Variants in MAML3 observed in about 807,000 individuals in gnomAD.
The protein encoded by MAML3 is mastermind-like protein 3.
MAML3 carries 27 observed loss-of-function variants against 101.9 expected under a neutral mutation model. The ratio of observed to expected loss-of-function variants is 0.27; its 90% confidence interval spans 0.20 to 0.37. MAML3 has a LOEUF of 0.37. Ranked by LOEUF, MAML3 falls within the 10% of genes least tolerant of loss-of-function variation. The pLI is 1.00. For synonymous variants in MAML3, 501 were observed against 555.9 expected, an observed-to-expected ratio of 0.90 and a Z score of 1.39; for missense variants, 1,316 against 1,444.9, an observed-to-expected ratio of 0.91 and a Z score of 1.45.
chr4:139,951,000 G>C (rs1733823381), intron 1 of MAML3, among the ~76,000 whole-genome samples: 1 of 152,164 alleles, frequency 6.6e-6, no homozygotes, highest in South Asian at 2.1e-4. Context: ...GTCTGCACGT[G>C]GGTTTGATTG....
chr4:139,810,347 C>T (rs1472377187), intron 2 of MAML3, among the ~76,000 whole-genome samples: 3 of 151,980 alleles, frequency 2.0e-5, no homozygotes, highest in Admixed American at 1.3e-4. Flanking sequence ...CACACCACCA[C>T]ACCCAGCTAA....
At chr4:139,859,383 T>C (rs1328458869) in intron 2 of MAML3, among the ~76,000 whole-genome samples, 4 of 152,022 alleles carry the variant, frequency 2.6e-5, no homozygotes, top group African/African-American at 9.7e-5. Context: ...TTTTTTTTTT[T>C]TTTTTCAGAG....
intron 2 of MAML3, among the ~76,000 whole-genome samples, chr4:139,760,873 A>G (rs1401302926): frequency 1.3e-5 from 2 of 152,220 alleles, no homozygotes; most frequent in East Asian, 1.9e-4. Context: ...TGGTCGTGAC[A>G]ACTCTCTTGA....
chr4:139,726,969 A>C (rs774706356), intron 3 of MAML3, among the ~76,000 whole-genome samples: 3 of 152,212 alleles, frequency 2.0e-5, no homozygotes, highest in Non-Finnish European at 4.4e-5. Context: ...TGCTCCCTGC[A>C]GCTGCTGAAT....
rs376823980 is a variant in MAML3 at position 139,991,572 on chromosome 4, T to A, written c.469-100605A>T. Among the ~76,000 whole-genome samples, 5 of 152,352 alleles carry A rather than the reference T, an allele frequency of 3.3e-5. No individual in the cohort carries two copies. The South Asian group carries it at 1.0e-3, about 32-fold the overall frequency. ...GGTAATACTAATATCATTTAATACA[T>A]ATTTCCAACATAAATCTTGTTCTTG... On this transcript the variant is annotated intron_variant, in intron 1 of 4. Coordinates refer to ENST00000509479, the MANE Select transcript of MAML3 (RefSeq NM_018717.5).
rs549627120 is a variant in MAML3, at chr4:139,812,111, T to C, written c.2079+77246A>G. 5.2e-4 allele frequency among the ~76,000 whole-genome samples: 79 copies of C among 152,132 alleles called. 1 individual carries two copies. In the South Asian group the frequency reaches 0.016, roughly 31 times the overall value. ...CTCTACAAAAAATTACAAAACTAGC[T>C]GGGTGTGGTGGCATGCACCTGTAGT... On this transcript the variant is annotated intron_variant, in intron 2 of 4. Transcript: ENST00000509479.
intron 1 of MAML3, among the ~76,000 whole-genome samples, chr4:140,035,194 G>C (rs567340883): frequency 6.6e-6 from 1 of 152,014 alleles, no homozygotes; most frequent in African/African-American, 2.4e-5. Context: ...GGCTGGTTTC[G>C]AACTCCTGAC....
At chr4:140,129,710 C>T (rs1004929225) in intron 1 of MAML3, among the ~76,000 whole-genome samples, 18 of 152,188 alleles carry the variant, frequency 1.2e-4, no homozygotes, top group African/African-American at 4.3e-4. Flanking sequence ...CTCATGCCTG[C>T]AGTCCCAGCA....
At chr4:140,109,390 A>G (rs1728404022) in intron 1 of MAML3, among the ~76,000 whole-genome samples, 1 of 152,180 alleles carries the variant, frequency 6.6e-6, no homozygotes, top group African/African-American at 2.4e-5. Flanking sequence ...TGGAAAAAGG[A>G]GGACTGAAAC....
At chr4:139,759,482 A>G (rs1729712669) in intron 2 of MAML3, among the ~76,000 whole-genome samples, 1 of 151,804 alleles carries the variant, frequency 6.6e-6, no homozygotes, top group Admixed American at 6.6e-5. Context: ...CTCCCTTACA[A>G]TTTTTCTAGC....
At chr4:139,984,257 G>T (rs1263758668) in intron 1 of MAML3, among the ~76,000 whole-genome samples, 3 of 152,098 alleles carry the variant, frequency 2.0e-5, no homozygotes, top group African/African-American at 7.2e-5. Context: ...TATTGCAAAT[G>T]CGGAGATCAA....
chr4:140,086,642 C>T (rs927514282), intron 1 of MAML3, among the ~76,000 whole-genome samples: 1 of 152,136 alleles, frequency 6.6e-6, no homozygotes, highest in African/African-American at 2.4e-5. Flanking sequence ...ATTCATCCTC[C>T]TACTCTCTCT....
At chr4:140,051,850 A>C (rs1486410086) in intron 1 of MAML3, among the ~76,000 whole-genome samples, 1 of 152,108 alleles carries the variant, frequency 6.6e-6, no homozygotes, top group Non-Finnish European at 1.5e-5. Flanking sequence ...AAGCTAGTGG[A>C]GGCGCCGGGA....
chr4:140,083,963 CACACAGAG>C lies in MAML3; in HGVS notation c.468+68889_468+68896del, dbSNP rs1478400515. Among the ~76,000 whole-genome samples, 563 of 67,386 alleles carry C rather than the reference CACACAGAG, an allele frequency of 8.4e-3. 3 individuals are homozygous for C. Among genetic ancestry groups the C allele is most frequent in the African/African-American group, 0.024 (366 of 15,014 alleles). 44.2% of individuals were successfully genotyped at this position (67,386 alleles called of 152,430 possible). A position where few individuals can be genotyped will look rare whatever the true frequency, so the allele number is the denominator to read the frequency against. ...ACACACACACACACACACACACACACACACAGAGAGAGAGAGAGAGAGAGAGAGAGAGA... is the reference window on the plus strand; with the variant it reads ...ACACACACACACACACACACACACACAGAGAGAGAGAGAGAGAGAGAGAGA... On this transcript the variant is annotated intron_variant, in intron 1 of 4. Coordinates refer to ENST00000509479, the MANE Select transcript of MAML3 (RefSeq NM_018717.5).
At chr4:140,143,146 ATAAAACTAATTTGAAATG>A (rs539705829) in intron 1 of MAML3, among the ~76,000 whole-genome samples, 55 of 152,358 alleles carry the variant, frequency 3.6e-4, no homozygotes, top group African/African-American at 1.3e-3. Flanking sequence ...ATACCATTTC[ATAAAACTAATTTGAAATG>A]TAAAACTATG....
chr4:139,848,275 G>A (rs186265285), intron 2 of MAML3, among the ~76,000 whole-genome samples: 1 of 152,256 alleles, frequency 6.6e-6, no homozygotes, highest in East Asian at 1.9e-4. Flanking sequence ...CAGCATCGAC[G>A]GCTGCTTCTC....
chr4:140,141,997 A>G (rs1194354433), intron 1 of MAML3, among the ~76,000 whole-genome samples: 1 of 152,250 alleles, frequency 6.6e-6, no homozygotes, highest in Non-Finnish European at 1.5e-5. Context: ...TGTTCATTAC[A>G]GAAACATTTA....
chr4:139,872,810 G>T (rs1396679735), intron 2 of MAML3, among the ~76,000 whole-genome samples: 1 of 152,174 alleles, frequency 6.6e-6, no homozygotes, highest in Non-Finnish European at 1.5e-5. Context: ...GGGCACAGTG[G>T]TTCATGCCTG....
chr4:140,058,083 T>C (rs1252616974), intron 1 of MAML3, among the ~76,000 whole-genome samples: 2 of 152,104 alleles, frequency 1.3e-5, no homozygotes, highest in East Asian at 3.8e-4. Flanking sequence ...AAATGGAATG[T>C]AGATTACTGA....
Sources: allele counts gnomAD v4.1 joint callset (sites outside exome capture counted in the v4.1 genomes callset), GRCh38; gene constraint gnomAD v4.1.1; transcripts MANE v1.5; gene names NCBI Gene and HGNC (gene_info 2026-07-23, HGNC 2026-07-21).